The following AP3B1 variants were observed in gnomAD, a reference collection of about 807,000 sequenced individuals.
AP3B1 encodes AP-3 complex subunit beta-1.
Under a neutral mutation model 132.5 loss-of-function variants are expected in AP3B1, and 61 were observed. That is an observed-to-expected ratio of 0.46 (90% CI 0.37 to 0.57). AP3B1 has a LOEUF of 0.57. AP3B1 is among the 20% of genes least tolerant of loss of function. AP3B1 has a pLI of 0.00. For synonymous variants in AP3B1, 388 were observed against 438.3 expected (o/e 0.89, Z 1.43); for missense variants, 1,120 against 1,289.4 (o/e 0.87, Z 2.01).
chr5:78,291,523 T>G (rs1382288111), intron 1 of AP3B1, among the ~76,000 whole-genome samples: 1 of 148,342 alleles, frequency 6.7e-6, no homozygotes, highest in Non-Finnish European at 1.5e-5. Context: ...TGCCTCCAAA[T>G]GTAATAGTTC....
intron 3 of AP3B1, among the ~76,000 whole-genome samples, chr5:78,232,068 T>C (rs1280180034): frequency 6.6e-6 from 1 of 152,230 alleles, no homozygotes; most frequent in African/African-American, 2.4e-5. Flanking sequence ...TAAAGGAATA[T>C]TAATTACTTT....
chr5:78,278,849 C>T (rs1433470338), intron 1 of AP3B1, among the ~76,000 whole-genome samples: 3 of 152,012 alleles, frequency 2.0e-5, no homozygotes, highest in African/African-American at 7.3e-5. Flanking sequence ...CTCTTGTAAA[C>T]TGTGCATGCG....
At chr5:78,192,079 C>T (rs1275012202) in intron 7 of AP3B1, among the ~76,000 whole-genome samples, 3 of 151,560 alleles carry the variant, frequency 2.0e-5, no homozygotes, top group Non-Finnish European at 4.4e-5. Flanking sequence ...AGGCTGGTCT[C>T]GAACTCCCAA....
chr5:78,126,490 G>C (rs1353645792), intron 17 of AP3B1, among the ~76,000 whole-genome samples: 7 of 101,108 alleles, frequency 6.9e-5, no homozygotes, highest in African/African-American at 2.8e-4. Flanking sequence ...GGGTGACAGA[G>C]CAAGACTCTG....
At position 78,293,187 on chromosome 5, in the gene AP3B1, G is replaced by A. The variant is rs116489149; in HGVS notation, c.128+1265C>T. Among the ~76,000 whole-genome samples the A allele has an allele frequency of 3.0e-3, 451 of 152,166 alleles. 5 individuals are homozygous for A. Among genetic ancestry groups the A allele is most frequent in the African/African-American group, 0.01 (435 of 41,538 alleles). ...AGCCGCAGTGCCTGGCCCCAAATCT[G>A]ACAAAAATCTAAGAGAAAACATCGT... On this transcript the variant is annotated intron_variant, in intron 1 of 26. Transcript: ENST00000255194.
intron 22 of AP3B1, among the ~76,000 whole-genome samples, chr5:78,050,620 C>T (rs907845485): frequency 6.6e-6 from 1 of 152,074 alleles, no homozygotes; most frequent in African/African-American, 2.4e-5. Flanking sequence ...TAAAGAAGTA[C>T]ATTTCTTAAA....
chr5:78,180,718 A>AAT (rs999222517), intron 8 of AP3B1, among the ~76,000 whole-genome samples: 2 of 151,902 alleles, frequency 1.3e-5, no homozygotes, highest in South Asian at 4.1e-4. Context: ...TTGGTTAAAA[A>AAT]ATATATATAT....
chr5:78,187,541 T>C (rs985701998), intron 7 of AP3B1, among the ~76,000 whole-genome samples: 1 of 152,158 alleles, frequency 6.6e-6, no homozygotes, highest in African/African-American at 2.4e-5. Context: ...GGCAGTATAT[T>C]ATAACAGTAA....
intron 21 of AP3B1, among the ~76,000 whole-genome samples, chr5:78,096,074 T>G (rs560019781): frequency 1.3e-5 from 2 of 152,334 alleles, no homozygotes; most frequent in South Asian, 4.1e-4. Context: ...GAAGCTGGAC[T>G]GTACTGCTGC....
intron 7 of AP3B1, among the ~76,000 whole-genome samples, chr5:78,189,071 TCAGGG>T (rs556273665): frequency 4.9e-4 from 74 of 152,158 alleles, no homozygotes; most frequent in Middle Eastern, 3.4e-3. Flanking sequence ...CTGGGGCCTG[TCAGGG>T]CAGGGTTAGT....
intron 7 of AP3B1, among the ~76,000 whole-genome samples, chr5:78,189,826 C>G (rs934228051): frequency 2.0e-5 from 3 of 150,570 alleles, no homozygotes; most frequent in Admixed American, 6.7e-5. Flanking sequence ...GCCAAGATCA[C>G]GCCACTGCAC....
intron 22 of AP3B1, among the ~76,000 whole-genome samples, chr5:78,050,421 A>G (rs1748530703): frequency 6.6e-6 from 1 of 152,222 alleles, no homozygotes; most frequent in Non-Finnish European, 1.5e-5. Context: ...AAATTTGCAA[A>G]TAATATACCT....
Position 78,175,767 on chromosome 5 carries a change from G to A in AP3B1, c.1095+17C>T, listed in dbSNP as rs58284777. ...TGTTCATGTGTCTCTTAAATTACGT[G>A]TTCAGAACATACATACCTTTCTTTG... is the stretch of plus-strand genomic sequence containing the variant. On this transcript the variant is annotated intron_variant, in intron 10 of 26. Coordinates refer to ENST00000255194, the MANE Select transcript of AP3B1 (RefSeq NM_003664.5). 2.3e-3 allele frequency: 3,690 copies of A among 1,610,900 alleles called. 86 individuals are homozygous for A. In the African/African-American group the frequency reaches 0.043, roughly 19 times the overall value.
intron 23 of AP3B1, among the ~76,000 whole-genome samples, chr5:78,036,969 A>C (rs1272924934): frequency 6.6e-6 from 1 of 152,158 alleles, no homozygotes; most frequent in Non-Finnish European, 1.5e-5. Context: ...CTGCAGACAA[A>C]AGAACTCTGT....
intron 22 of AP3B1, among the ~76,000 whole-genome samples, chr5:78,070,970 C>G (rs1298690450): frequency 1.3e-5 from 2 of 152,146 alleles, no homozygotes; most frequent in Non-Finnish European, 2.9e-5. Flanking sequence ...GAAATGTAAA[C>G]TAGTTCAACT....
At chr5:78,029,318 T>C (rs1747470317) in intron 24 of AP3B1, among the ~76,000 whole-genome samples, 2 of 152,172 alleles carry the variant, frequency 1.3e-5, no homozygotes, top group South Asian at 4.1e-4. Flanking sequence ...CAAAATATTT[T>C]ATTATTACTT....
intron 1 of AP3B1, among the ~76,000 whole-genome samples, chr5:78,292,043 T>A (rs1431795887): frequency 2.0e-5 from 3 of 149,462 alleles, no homozygotes; most frequent in African/African-American, 7.4e-5. Flanking sequence ...CAATGTAGCA[T>A]TTTTTTTTTA....
At chr5:78,108,112 T>A (rs1751420221) in intron 20 of AP3B1, among the ~76,000 whole-genome samples, 1 of 152,166 alleles carries the variant, frequency 6.6e-6, no homozygotes, top group African/African-American at 2.4e-5. Flanking sequence ...TAGGTCGCAT[T>A]TTCATGCTCA....
intron 21 of AP3B1, among the ~76,000 whole-genome samples, chr5:78,090,970 A>T (rs1316071817): frequency 2.0e-5 from 3 of 147,912 alleles, no homozygotes; most frequent in African/African-American, 7.5e-5. Context: ...ATTTTTTTTT[A>T]GAGATGGGAT....
Sources: allele counts gnomAD v4.1 joint callset (sites outside exome capture counted in the v4.1 genomes callset), GRCh38; gene constraint gnomAD v4.1.1; transcripts MANE v1.5; gene names NCBI Gene and HGNC (gene_info 2026-07-23, HGNC 2026-07-21).